RGS7: variants seen among roughly 807,000 people sequenced by gnomAD.
RGS7 encodes regulator of G protein signaling 7, also known as regulator of G-protein signaling 7.
RGS7 carries 27 observed loss-of-function variants against 81.1 expected under a neutral mutation model. That is an observed-to-expected ratio of 0.33 (90% CI 0.25 to 0.46). The LOEUF (loss-of-function observed/expected upper bound fraction) is 0.46, where lower values mean the gene tolerates loss of function less well. Ranked by LOEUF, RGS7 falls within the 20% of genes least tolerant of loss-of-function variation. The pLI, the probability that RGS7 is intolerant of heterozygous loss-of-function variation, is 1.00. For synonymous variants in RGS7, 208 were observed against 207.7 expected, an observed-to-expected ratio of 1.00 and a Z score of -0.01; for missense variants, 396 against 607.4, an observed-to-expected ratio of 0.65 and a Z score of 3.66.
chr1:241,208,763 G>C (rs192579103), intron 2 of RGS7, among the ~76,000 whole-genome samples: 2 of 152,230 alleles, frequency 1.3e-5, no homozygotes, highest in East Asian at 3.9e-4. Flanking sequence ...GACGTGGTCT[G>C]GCAAACAAAG....
At chr1:240,975,733 T>A (rs1683969431) in intron 4 of RGS7, among the ~76,000 whole-genome samples, 1 of 152,252 alleles carries the variant, frequency 6.6e-6, no homozygotes, top group African/African-American at 2.4e-5. Context: ...ATGATATTAG[T>A]CATAAAGCAT....
chr1:241,154,132 A>C (rs2068947058), intron 2 of RGS7, among the ~76,000 whole-genome samples: 1 of 152,150 alleles, frequency 6.6e-6, no homozygotes, highest in South Asian at 2.1e-4. Context: ...ACAGGAAGCA[A>C]GTAGTACGTA....
At chr1:241,317,927 G>A (rs922309050) in intron 2 of RGS7, among the ~76,000 whole-genome samples, 1 of 152,134 alleles carries the variant, frequency 6.6e-6, no homozygotes, top group Admixed American at 6.6e-5. Flanking sequence ...GTTCTTCCGA[G>A]ATTTCCTTTC....
At chr1:240,777,123 C>A (rs753743331) in intron 18 of RGS7, among the ~76,000 whole-genome samples, 1 of 152,044 alleles carries the variant, frequency 6.6e-6, no homozygotes, top group Non-Finnish European at 1.5e-5. Flanking sequence ...GGTGAAACTC[C>A]GTCTCTACTA....
rs760465974 is a variant in RGS7 at position 241,271,289 on chromosome 1, CG to C, written c.78+84409del. Among the ~76,000 whole-genome samples the C allele has an allele frequency of 2.0e-5, 3 of 152,120 alleles. No homozygotes were observed. In the East Asian group the frequency reaches 5.8e-4, roughly 29 times the overall value. ...CCTCCAAGTTTCCTGACATACTTGA[CG>C]GGGGAGACTGGTGTCACATGAGGAC... On this transcript the variant is annotated intron_variant, in intron 2 of 18. Coordinates refer to ENST00000440928, the MANE Select transcript of RGS7 (RefSeq NM_001364886.1). This position sits in a 1 kb window ranked among gnomAD's most constrained non-coding sequence, Gnocchi z 4.6.
At chr1:241,277,336 C>T (rs2078246139) in intron 2 of RGS7, among the ~76,000 whole-genome samples, 1 of 152,106 alleles carries the variant, frequency 6.6e-6, no homozygotes, top group South Asian at 2.1e-4. Context: ...ATCAAGCATG[C>T]AGGCCAGGCG....
intron 2 of RGS7, among the ~76,000 whole-genome samples, chr1:241,103,715 A>T (rs939890959): frequency 4.6e-5 from 7 of 152,054 alleles, no homozygotes; most frequent in East Asian, 1.9e-4. Context: ...CTTAAAAAAA[A>T]ATATGAAAAT....
chr1:241,223,750 A>T (rs1573216600), intron 2 of RGS7, among the ~76,000 whole-genome samples: 1 of 152,200 alleles, frequency 6.6e-6, no homozygotes, highest in Non-Finnish European at 1.5e-5. Context: ...TGGTATAAAG[A>T]AGACCTTCTA....
intron 3 of RGS7, among the ~76,000 whole-genome samples, chr1:241,093,517 A>T (rs1217485620): frequency 6.6e-6 from 1 of 152,228 alleles, no homozygotes; most frequent in Non-Finnish European, 1.5e-5. Flanking sequence ...AATATAAAGA[A>T]AAACGTAGTT....
intron 2 of RGS7, among the ~76,000 whole-genome samples, chr1:241,170,292 T>C (rs1304702106): frequency 2.6e-5 from 4 of 152,206 alleles, no homozygotes; most frequent in Non-Finnish European, 5.9e-5. Flanking sequence ...TATGCCTTTC[T>C]CTACTGCCTA....
Position 240,884,098 on chromosome 1 carries a change from A to T in RGS7, c.386-13979T>A, listed in dbSNP as rs200230956. On this transcript the variant is annotated intron_variant, in intron 6 of 18. Transcript: ENST00000440928. ...ATCTCAAAAAAAAAAAAAAAAAAAAAAAAAAAGGCCCCAAGAGTAGTATTG... is the reference window on the plus strand; with the variant it reads ...ATCTCAAAAAAAAAAAAAAAAAAAATAAAAAAGGCCCCAAGAGTAGTATTG... Among the ~76,000 whole-genome samples, 79 of 150,798 alleles carry T rather than the reference A, an allele frequency of 5.2e-4. 3 individuals carry two copies. The East Asian group carries it at 0.015, about 29-fold the overall frequency.
Position 240,815,585 on chromosome 1 carries a change from C to T in RGS7, c.783+732G>A, listed in dbSNP as rs566841125. Among the ~76,000 whole-genome samples the T allele has an allele frequency of 3.9e-5, 6 of 152,162 alleles. No individual in the cohort carries two copies. The South Asian group carries it at 6.2e-4, about 16-fold the overall frequency. ...ACACACAGAAAACTTTAATTAAAAA[C>T]GCTCTGAATGACTTTTCCTTCCTGA... On this transcript the variant is annotated intron_variant, in intron 11 of 18. Coordinates refer to ENST00000440928, the MANE Select transcript of RGS7 (RefSeq NM_001364886.1).
intron 10 of RGS7, among the ~76,000 whole-genome samples, chr1:240,817,598 G>A (rs907143173): frequency 1.3e-5 from 2 of 151,780 alleles, no homozygotes; most frequent in African/African-American, 2.4e-5. Flanking sequence ...CCCGCCCTCC[G>A]TCCTTTTTAT....
intron 2 of RGS7, chr1:241,186,523 AT>A (rs1226943606): frequency 0.018 from 5,008 of 276,268 alleles, 10 homozygotes; most frequent in African/African-American, 0.027. Context: ...ATATATATAT[AT>A]TTTTTTTTTT....
rs74150213 is a variant in RGS7 at position 241,094,621 on chromosome 1, A to G, written c.175+4045T>C. ...ACAACTCTAAAACCAAAACAAAAAC[A>G]AAAACAAAAACAAAGAAAAGTCTTA... On this transcript the variant is annotated intron_variant, in intron 3 of 18. Coordinates refer to ENST00000440928, the MANE Select transcript of RGS7 (RefSeq NM_001364886.1). Among the ~76,000 whole-genome samples, 4 of 117,056 alleles carry G rather than the reference A, an allele frequency of 3.4e-5. No homozygotes were observed. The East Asian group carries it at 8.3e-4, about 24-fold the overall frequency. The allele number at this position is 117,056 out of a possible 152,430, so 76.8% of individuals were successfully genotyped here. A position where few individuals can be genotyped will look rare whatever the true frequency, so the allele number is the denominator to read the frequency against.
intron 2 of RGS7, among the ~76,000 whole-genome samples, chr1:241,280,245 T>A (rs1389540739): frequency 1.3e-5 from 2 of 152,014 alleles, no homozygotes; most frequent in African/African-American, 4.8e-5. Flanking sequence ...AAGGCAGAGA[T>A]CATGGTGATG....
At chr1:240,843,144 C>G (rs562013632) in intron 9 of RGS7, among the ~76,000 whole-genome samples, 12 of 149,264 alleles carry the variant, frequency 8.0e-5, no homozygotes, top group Non-Finnish European at 1.0e-4. Context: ...CAGCCTCGGG[C>G]ACAAGAGCGA....
At chr1:241,216,751 T>C (rs1558198495) in intron 2 of RGS7, among the ~76,000 whole-genome samples, 1 of 152,156 alleles carries the variant, frequency 6.6e-6, no homozygotes. Flanking sequence ...CTGAATGAAA[T>C]AATTGGTAAG....
intron 2 of RGS7, among the ~76,000 whole-genome samples, chr1:241,249,281 T>C (rs984042487): frequency 6.6e-6 from 1 of 151,952 alleles, no homozygotes; most frequent in Non-Finnish European, 1.5e-5. Context: ...TCAATTTTTG[T>C]ATGTGGTTTA....
Sources: gnomAD v4.1 joint callset for allele counts (sites outside exome capture counted in the v4.1 genomes callset) on GRCh38, gnomAD v4.1.1 for gene constraint, Gnocchi (gnomAD v3.1) non-coding constraint, MANE v1.5 for transcripts, NCBI Gene and HGNC (gene_info 2026-07-23, HGNC 2026-07-21) for gene names.